The following PHLDB2 variants were observed in gnomAD, a reference collection of about 807,000 sequenced individuals.
PHLDB2 encodes pleckstrin homology like domain family B member 2.
In PHLDB2, 71 loss-of-function variants were observed where a neutral mutation model predicts 123.6. The ratio of observed to expected loss-of-function variants is 0.57; its 90% CI spans 0.47 to 0.70. PHLDB2 has a LOEUF of 0.70. Ranked by LOEUF, PHLDB2 falls within the 30% of genes least tolerant of loss-of-function variation. The pLI, the probability that PHLDB2 is intolerant of heterozygous loss-of-function variation, is 0.00. For missense variants in PHLDB2, 1,446 were observed against 1,519.5 expected, an observed-to-expected ratio of 0.95 and a Z score of 0.80; for synonymous variants, 547 against 541.6, an observed-to-expected ratio of 1.01 and a Z score of -0.14.
At chr3:111,765,808 T>C (rs989470179) in intron 1 of PHLDB2, among the ~76,000 whole-genome samples, 3 of 152,180 alleles carry the variant, frequency 2.0e-5, no homozygotes, top group Non-Finnish European at 4.4e-5. Flanking sequence ...TATTTGAAAC[T>C]TAAGGTGGAA....
At chr3:111,807,331 A>G (rs901365333) in intron 1 of PHLDB2, among the ~76,000 whole-genome samples, 14 of 152,240 alleles carry the variant, frequency 9.2e-5, no homozygotes, top group Non-Finnish European at 1.5e-4. Context: ...ACAAATGTTC[A>G]TCTTGAGACA....
chr3:111,921,149 T>C (rs2068475002), intron 5 of PHLDB2, among the ~76,000 whole-genome samples: 1 of 152,242 alleles, frequency 6.6e-6, no homozygotes, highest in African/African-American at 2.4e-5. Context: ...GTTGGGTTTG[T>C]CTGTTTATGT....
intron 16 of PHLDB2, among the ~76,000 whole-genome samples, chr3:111,972,184 G>C (rs1178425951): frequency 6.6e-6 from 1 of 152,084 alleles, no homozygotes; most frequent in Non-Finnish European, 1.5e-5. Context: ...GTATTCTCAT[G>C]AATTACTGCA....
intron 1 of PHLDB2, among the ~76,000 whole-genome samples, chr3:111,829,665 T>C (rs1262952929): frequency 6.6e-6 from 1 of 152,002 alleles, no homozygotes; most frequent in Non-Finnish European, 1.5e-5. Context: ...GGTTTCACCA[T>C]GTTGGTCAGG....
intron 1 of PHLDB2, among the ~76,000 whole-genome samples, chr3:111,865,060 A>C (rs2065001995): frequency 6.6e-6 from 1 of 152,208 alleles, no homozygotes; most frequent in South Asian, 2.1e-4. Context: ...ATAAAGGCAA[A>C]AGAAACCCAG....
intron 1 of PHLDB2, among the ~76,000 whole-genome samples, chr3:111,822,832 C>T (rs923199261): frequency 1.3e-5 from 2 of 152,130 alleles, no homozygotes; most frequent in African/African-American, 4.8e-5. Flanking sequence ...ATAATTAATA[C>T]AGCTCTATAA....
At chr3:111,838,807 A>C (rs2063535786) in intron 1 of PHLDB2, among the ~76,000 whole-genome samples, 1 of 152,190 alleles carries the variant, frequency 6.6e-6, no homozygotes, top group Admixed American at 6.6e-5. Flanking sequence ...ATTTTCTTGA[A>C]GAGCAGTTAG....
At chr3:111,880,903 G>A (rs779014570) in intron 1 of PHLDB2, among the ~76,000 whole-genome samples, 15 of 151,816 alleles carry the variant, frequency 9.9e-5, no homozygotes, top group Non-Finnish European at 1.5e-4. Flanking sequence ...CTATTTTTTC[G>A]GCCAAATCTG....
In PHLDB2 at chr3:111,974,534, G is replaced by A; in HGVS notation, c.3733G>A (p.Ala1245Thr). 1 of 1,613,014 alleles carries A rather than the reference G, an allele frequency of 6.2e-7. No individual in the cohort carries two copies. The highest frequency in any genetic ancestry group is 8.5e-7 in the Non-Finnish European group (1 of 1,179,462). ...CTGGATGGATGTTATAGTTACGGGG[G>A]CAGAAGGTTACACTCACTTCTTGTT... is the stretch of plus-strand genomic sequence containing the variant. ...RIWMDVIVTG[A>T]EGYTHFLL is the part of the protein sequence containing the mutation. Residue 1245 changes from alanine to threonine, a missense_variant, in exon 18 of 18, where the codon GCA (alanine) becomes ACA (threonine). By Grantham distance (58) the Ala-to-Thr change is moderately conservative. Around this residue, in one of 3 missense-constraint regions of PHLDB2, gnomAD observed 594 missense variants for 646.0 expected, o/e 0.92. Coordinates refer to ENST00000431670, the MANE Select transcript of PHLDB2 (RefSeq NM_001134438.2).
intron 1 of PHLDB2, among the ~76,000 whole-genome samples, chr3:111,741,102 A>G (rs1456111889): frequency 1.3e-5 from 2 of 152,176 alleles, no homozygotes; most frequent in African/African-American, 4.8e-5. Flanking sequence ...CTGAATTCCT[A>G]TTATTGGACT....
At chr3:111,787,724 G>C (rs2060749109) in intron 1 of PHLDB2, among the ~76,000 whole-genome samples, 1 of 152,082 alleles carries the variant, frequency 6.6e-6, no homozygotes, top group African/African-American at 2.4e-5. Flanking sequence ...TGGGAGATAG[G>C]GGAGGCATTC....
chr3:111,957,455 C>T (rs1050719199), intron 12 of PHLDB2: 1 of 152,460 alleles, frequency 6.6e-6, no homozygotes, highest in Non-Finnish European at 1.5e-5. Context: ...CATTCACTGG[C>T]AGCTGCATGA....
In PHLDB2 at chr3:111,879,752, G is replaced by A. The variant is rs569848234; in HGVS notation, c.-14-4312G>A. 2.8e-4 allele frequency among the ~76,000 whole-genome samples: 42 copies of A among 152,168 alleles called. 1 individual carries two copies. Among genetic ancestry groups the A allele is most frequent in the Admixed American group, 5.9e-4 (9 of 15,282 alleles). The stretch of plus-strand genomic sequence containing the variant: ...TAGTTCAGTGCCTGTATCATAGAAG[G>A]GTCCACGTTGTAAAAGAAGGCAAAA... On this transcript the variant is annotated intron_variant, in intron 1 of 17. Coordinates refer to ENST00000431670, the MANE Select transcript of PHLDB2 (RefSeq NM_001134438.2).
At chr3:111,739,013 C>T (rs2059555175) in intron 1 of PHLDB2, among the ~76,000 whole-genome samples, 1 of 152,182 alleles carries the variant, frequency 6.6e-6, no homozygotes, top group African/African-American at 2.4e-5. Context: ...TCAATTTTCT[C>T]ATTTTCAAAA....
intron 1 of PHLDB2, among the ~76,000 whole-genome samples, chr3:111,768,734 T>C (rs4682305): frequency 0.37 from 56,573 of 152,054 alleles, 12,899 homozygotes; most frequent in South Asian, 0.54. Context: ...AATGTCTTCC[T>C]GTGTAATCTC....
At chr3:111,954,758 G>A (rs540304187) in intron 12 of PHLDB2, among the ~76,000 whole-genome samples, 1 of 152,330 alleles carries the variant, frequency 6.6e-6, no homozygotes, top group Admixed American at 6.5e-5. Flanking sequence ...GCAAATGAAT[G>A]ATAGGAAGCT....
chr3:111,752,725 G>A (rs1244856323), intron 1 of PHLDB2, among the ~76,000 whole-genome samples: 9 of 151,562 alleles, frequency 5.9e-5, no homozygotes, highest in East Asian at 3.9e-4. Flanking sequence ...GTATACATGC[G>A]CCATGCTGGT....
chr3:111,781,354 CAT>C (rs5851787), intron 1 of PHLDB2, among the ~76,000 whole-genome samples: 65,292 of 151,732 alleles, frequency 0.43, 17,276 homozygotes, highest in East Asian at 0.77. Context: ...CTCTAATCCA[CAT>C]GTCTCCCATC....
chr3:111,794,156 G>A (rs2061046117), intron 1 of PHLDB2, among the ~76,000 whole-genome samples: 1 of 152,084 alleles, frequency 6.6e-6, no homozygotes, highest in Non-Finnish European at 1.5e-5. Flanking sequence ...GAGTGGCGAT[G>A]CTTTCCAGAA....
Sources: gnomAD v4.1 joint callset for allele counts (sites outside exome capture counted in the v4.1 genomes callset) on GRCh38, gnomAD v4.1.1 for gene constraint, gnomAD v4.1.1 regional missense constraint, MANE v1.5 for transcripts, NCBI Gene and HGNC (gene_info 2026-07-23, HGNC 2026-07-21) for gene names.